WDR46: variants seen among roughly 807,000 people sequenced by gnomAD.
WDR46 encodes WD repeat domain 46.
WDR46 carries 58 observed loss-of-function variants against 74.7 expected under a neutral mutation model. The ratio of observed to expected loss-of-function variants is 0.78; its 90% CI spans 0.63 to 0.97. The LOEUF is 0.97. WDR46 is among the 50% of genes least tolerant of loss of function. The pLI, the probability that WDR46 is intolerant of heterozygous loss-of-function variation, is 0.00. For synonymous variants in WDR46, 278 were observed against 297.3 expected (o/e 0.93, Z 0.67); for missense variants, 702 against 790.1 (o/e 0.89, Z 1.34).
intron 10 of WDR46, among the ~76,000 whole-genome samples, chr6:33,286,126 G>A (rs1358393201): frequency 1.4e-5 from 2 of 146,306 alleles, no homozygotes; most frequent in Non-Finnish European, 3.0e-5. Context: ...GGGAGACAGA[G>A]CAAGACTACG....
rs1428003359 is a variant in WDR46 at position 33,281,741 on chromosome 6, C to A, written c.1116-754G>T. Among the ~76,000 whole-genome samples, 3 of 152,232 alleles carry A rather than the reference C, an allele frequency of 2.0e-5. No individual in the cohort carries two copies. The East Asian group carries it at 5.8e-4, about 29-fold the overall frequency. ...CACTGGAGGCCCTTGCCCTGCCCCT[C>A]TGTGTGCTTTCCCTGGAAGGAAGGA... On this transcript the variant is annotated intron_variant, in intron 10 of 14. Coordinates refer to ENST00000374617, the MANE Select transcript of WDR46 (RefSeq NM_005452.6).
intron 10 of WDR46, among the ~76,000 whole-genome samples, chr6:33,282,084 A>G (rs920755086): frequency 4.6e-5 from 7 of 152,148 alleles, no homozygotes; most frequent in Non-Finnish European, 7.3e-5. Flanking sequence ...GGCCTCCCAG[A>G]GTGCTGGGAT....
intron 10 of WDR46, chr6:33,284,332 C>T (rs1177709863): frequency 6.5e-6 from 1 of 153,756 alleles, no homozygotes; most frequent in Non-Finnish European, 1.5e-5. Context: ...AACGATTCAT[C>T]CTTTTGTCTC....
At chr6:33,283,005 T>C (rs1232764174) in intron 10 of WDR46, among the ~76,000 whole-genome samples, 1 of 152,078 alleles carries the variant, frequency 6.6e-6, no homozygotes, top group Admixed American at 6.5e-5. Flanking sequence ...GGTCAGGAGT[T>C]CAAGACCAGC....
At chr6:33,281,991 C>T (rs773724596) in intron 10 of WDR46, among the ~76,000 whole-genome samples, 4 of 152,262 alleles carry the variant, frequency 2.6e-5, no homozygotes, top group Non-Finnish European at 4.4e-5. Context: ...GCGCCACCAC[C>T]GCTAATTTTT....
intron 10 of WDR46, among the ~76,000 whole-genome samples, chr6:33,284,121 C>T (rs1412901751): frequency 6.6e-6 from 1 of 151,570 alleles, no homozygotes; most frequent in Non-Finnish European, 1.5e-5. Context: ...GGTTCGTGGG[C>T]GCCTGTAATC....
intron 9 of WDR46, 60 bp from the exon 10 acceptor site, chr6:33,286,954 T>C: frequency 1.3e-6 from 2 of 1,596,106 alleles, no homozygotes; most frequent in Non-Finnish European, 1.7e-6. Flanking sequence ...TTACTAAACA[T>C]GGGAAAGATG....
At chr6:33,287,587 C>T in intron 7 of WDR46, 27 bp downstream of exon 7, 2 of 1,613,904 alleles carry the variant, frequency 1.2e-6, no homozygotes, top group Non-Finnish European at 1.7e-6. Context: ...CTCACCCCAA[C>T]TGACCGCTGA....
At chr6:33,282,196 G>A (rs1329255638) in intron 10 of WDR46, among the ~76,000 whole-genome samples, 2 of 152,228 alleles carry the variant, frequency 1.3e-5, no homozygotes, top group Non-Finnish European at 2.9e-5. Flanking sequence ...AGAGGCCAAG[G>A]AGTCTCTTTT....
rs529585564 is a variant in WDR46 at position 33,289,215 on chromosome 6, T to G, written c.-45A>C. 37 of 1,584,640 alleles carry G rather than the reference T, an allele frequency of 2.3e-5. No homozygotes were observed. The highest frequency in any genetic ancestry group is 1.8e-4 in the Middle Eastern group (1 of 5,660). ...ATCCACGTGCAAAACTCCTCTCAGCTGCCACACAGTCGGCTTGAAAACTCC... is the reference window on the plus strand; with the variant it reads ...ATCCACGTGCAAAACTCCTCTCAGCGGCCACACAGTCGGCTTGAAAACTCC... On this transcript the variant is annotated 5_prime_UTR_variant, in exon 1 of 15. Transcript: ENST00000374617.
Position 33,288,888 on chromosome 6 carries a change from CTTT to C in WDR46, c.192_194del (p.Lys66del), listed in dbSNP as rs777871897. The stretch of plus-strand genomic sequence containing the variant: ...GAGGCTTCTTAGAGATCCGAGACTT[CTTT>C]AAGATGTAAGCATTTTTTGGTCTCT... On this transcript the variant is annotated inframe_deletion, in exon 2 of 15. Coordinates refer to ENST00000374617, the MANE Select transcript of WDR46 (RefSeq NM_005452.6). 32 of 1,614,074 alleles carry C rather than the reference CTTT, an allele frequency of 2.0e-5. No individual in the cohort carries two copies. The East Asian group carries it at 2.7e-4, about 13-fold the overall frequency.
At chr6:33,289,066 C>G in intron 1 of WDR46, 36 bp downstream of exon 1, 1 of 1,611,258 alleles carries the variant, frequency 6.2e-7, no homozygotes. Context: ...GACCCCACAG[C>G]TAAAAACTTC....
chr6:33,284,243 C>CT (rs1253152511), intron 10 of WDR46: 1 of 148,154 alleles, frequency 6.7e-6, no homozygotes, highest in African/African-American at 2.6e-5. Context: ...GATCAAGACT[C>CT]TGTCTCAAAA....
At chr6:33,283,321 A>G (rs1766348186) in intron 10 of WDR46, among the ~76,000 whole-genome samples, 1 of 152,146 alleles carries the variant, frequency 6.6e-6, no homozygotes, top group Non-Finnish European at 1.5e-5. Flanking sequence ...GGTGGCTCAC[A>G]GTAATTACTC....
chr6:33,284,457 C>T (rs1041162101), intron 10 of WDR46: 2 of 153,758 alleles, frequency 1.3e-5, no homozygotes, highest in Non-Finnish European at 2.9e-5. Context: ...TGCAGATACT[C>T]CCTCAGGAAC....
In WDR46 at chr6:33,286,790, C is replaced by G; in HGVS notation, c.1115+5G>C. 6.2e-7 allele frequency: 1 copy of G among 1,613,974 alleles called. No individual in the cohort carries two copies. The highest frequency in any genetic ancestry group is 8.5e-7 in the Non-Finnish European group (1 of 1,179,930). On this transcript the variant is annotated splice_donor_5th_base_variant and intron_variant, in intron 10 of 14. Transcript: ENST00000374617. Reference sequence around the variant, plus strand: ...TCCTAACACCTCACCCCACCAGTGACTTACGTGCCTGTAGAATCTACTGCC... The same window carrying G: ...TCCTAACACCTCACCCCACCAGTGAGTTACGTGCCTGTAGAATCTACTGCC...
chr6:33,287,916 G>A, intron 6 of WDR46, 49 bp downstream of exon 6: 1 of 1,604,056 alleles, frequency 6.2e-7, no homozygotes, highest in Non-Finnish European at 8.5e-7. Context: ...TGGCTGAAGT[G>A]GTTAAGGAAA....
intron 12 of WDR46, 97 bp from the exon 13 acceptor site, chr6:33,279,956 G>A: frequency 8.5e-7 from 1 of 1,180,170 alleles, no homozygotes; most frequent in Non-Finnish European, 1.2e-6. Flanking sequence ...CTCTACCCAA[G>A]ACCCCCAGCA....
At chr6:33,282,198 G>A (rs1438772091) in intron 10 of WDR46, among the ~76,000 whole-genome samples, 1 of 152,214 alleles carries the variant, frequency 6.6e-6, no homozygotes, top group Non-Finnish European at 1.5e-5. Context: ...AGGCCAAGGA[G>A]TCTCTTTTTT....
Sources: allele counts gnomAD v4.1 joint callset (sites outside exome capture counted in the v4.1 genomes callset), GRCh38; gene constraint gnomAD v4.1.1; transcripts MANE v1.5; gene names NCBI Gene and HGNC (gene_info 2026-07-23, HGNC 2026-07-21).